Variants in LMNB1 observed in about 807,000 individuals in gnomAD.
LMNB1 encodes lamin B1.
A neutral mutation model predicts 67.1 loss-of-function variants in LMNB1; 23 were observed. The ratio of observed to expected loss-of-function variants is 0.34; its 90% CI spans 0.25 to 0.49. The LOEUF (loss-of-function observed/expected upper bound fraction) is 0.49. Ranked by LOEUF, LMNB1 falls within the 20% of genes least tolerant of loss-of-function variation. LMNB1 has a pLI of 0.99. For synonymous variants in LMNB1, 281 were observed against 282.9 expected (o/e 0.99, Z 0.07); for missense variants, 634 against 746.5 (o/e 0.85, Z 1.76).
intron 3 of LMNB1, among the ~76,000 whole-genome samples, chr5:126,808,272 C>T (rs1436028402): frequency 1.3e-5 from 2 of 152,084 alleles, no homozygotes; most frequent in Non-Finnish European, 2.9e-5. Context: ...CAACCTGTGC[C>T]TCCTGGATTC....
intron 1 of LMNB1, among the ~76,000 whole-genome samples, chr5:126,796,776 T>C (rs932376274): frequency 7.1e-6 from 1 of 141,368 alleles, no homozygotes; most frequent in African/African-American, 2.7e-5. Context: ...TTTCTTTTTC[T>C]TTTTTCTTTC....
intron 1 of LMNB1, among the ~76,000 whole-genome samples, chr5:126,800,982 A>ATATATATAAT: frequency 2.1e-4 from 4 of 18,638 alleles, no homozygotes; most frequent in African/African-American, 6.7e-4. Flanking sequence ...TATATATATA[A>ATATATATAAT]TTTTTTTTTT....
intron 1 of LMNB1, among the ~76,000 whole-genome samples, chr5:126,778,168 T>A (rs775296938): frequency 9.2e-5 from 14 of 152,012 alleles, no homozygotes; most frequent in Non-Finnish European, 1.8e-4. Flanking sequence ...GCTCCCGCTT[T>A]CGCACTCGAA....
In LMNB1 at chr5:126,811,794, T is replaced by A. The variant is rs776064001; in HGVS notation, c.835T>A (p.Ser279Thr). The change falls in exon 5 of 11, where the codon TCA (serine) becomes ACA (threonine). Residue 279 changes from serine (S) to threonine (T), a missense_variant. Physicochemically the swap from Ser to Thr is moderately conservative, Grantham distance 58. Coordinates refer to ENST00000261366, the MANE Select transcript of LMNB1 (RefSeq NM_005573.4). Reference sequence around the variant, plus strand: ...TTAGCTTGAGAATGCCAGACTGTCATCAGAGATGAATACTTCTACTGTCAA... The same window carrying A: ...TTAGCTTGAGAATGCCAGACTGTCAACAGAGATGAATACTTCTACTGTCAA... ...HAKLENARLS[S>T]EMNTSTVNSA... 5.0e-6 allele frequency: 8 copies of A among 1,607,704 alleles called. No homozygotes were observed. The East Asian group carries it at 1.8e-4, about 36-fold the overall frequency.
At chr5:126,786,810 T>C (rs1369220963) in intron 1 of LMNB1, among the ~76,000 whole-genome samples, 1 of 152,188 alleles carries the variant, frequency 6.6e-6, no homozygotes, top group East Asian at 1.9e-4. Context: ...AGAAGGGTAG[T>C]GGTCAGTAGT....
At chr5:126,789,696 A>T (rs1055942736) in intron 1 of LMNB1, among the ~76,000 whole-genome samples, 9 of 151,750 alleles carry the variant, frequency 5.9e-5, no homozygotes, top group Admixed American at 2.6e-4. Context: ...TTTTTTGAGG[A>T]CGAGACTTGC....
chr5:126,808,853 T>A (rs1346857854), intron 3 of LMNB1, among the ~76,000 whole-genome samples: 1 of 152,070 alleles, frequency 6.6e-6, no homozygotes, highest in Non-Finnish European at 1.5e-5. Flanking sequence ...TCTTGTGGCT[T>A]CTTCAGATAT....
At chr5:126,807,870 G>GTTTTTGTTTTTGT (rs1269501198) in intron 3 of LMNB1, among the ~76,000 whole-genome samples, 80 of 151,858 alleles carry the variant, frequency 5.3e-4, no homozygotes, top group African/African-American at 1.8e-3. Flanking sequence ...TTTTGTTTTT[G>GTTTTTGTTTTTGT]TTTTTTTTAA....
intron 9 of LMNB1, among the ~76,000 whole-genome samples, chr5:126,830,241 C>T (rs1580558801): frequency 6.6e-6 from 1 of 152,182 alleles, no homozygotes; most frequent in East Asian, 1.9e-4. Context: ...GCTCCGGGCA[C>T]CACTGCACAG....
At chr5:126,793,193 A>G (rs951966402) in intron 1 of LMNB1, among the ~76,000 whole-genome samples, 2 of 152,212 alleles carry the variant, frequency 1.3e-5, no homozygotes, top group East Asian at 1.9e-4. Context: ...TGCCTAGCAC[A>G]TTGTAGATGA....
At chr5:126,817,433 G>A (rs537309845) in intron 5 of LMNB1, among the ~76,000 whole-genome samples, 2 of 152,248 alleles carry the variant, frequency 1.3e-5, no homozygotes, top group East Asian at 1.9e-4. Context: ...CCCTCTCACC[G>A]ATAAAAGTGG....
intron 1 of LMNB1, among the ~76,000 whole-genome samples, chr5:126,782,819 A>G (rs1750663075): frequency 6.6e-6 from 1 of 152,022 alleles, no homozygotes. Context: ...AAGTGCTGGG[A>G]TTACAGGCGT....
intron 1 of LMNB1, among the ~76,000 whole-genome samples, chr5:126,786,519 G>A (rs538676780): frequency 1.4e-4 from 21 of 152,308 alleles, no homozygotes; most frequent in African/African-American, 4.8e-4. Context: ...AGCAAGTAAT[G>A]AAAGCTAGAA....
Position 126,800,982 on chromosome 5 carries a change from A to ATATATATATAATTTTTTTTT in LMNB1, c.360-3793_360-3792insATATATATAATTTTTTTTTT. 4.4e-3 allele frequency among the ~76,000 whole-genome samples: 82 copies of ATATATATATAATTTTTTTTT among 18,580 alleles called. 1 individual carries two copies. The highest frequency in any genetic ancestry group is 6.0e-3 in the Non-Finnish European group (57 of 9,502). The allele number at this position is 18,580 out of a possible 152,430, so 12.2% of individuals were successfully genotyped here. A position where few individuals can be genotyped will look rare whatever the true frequency, so the allele number is the denominator to read the frequency against. ...ATATATATATATATATATATATATA[A>ATATATATATAATTTTTTTTT]TTTTTTTTTTTTTTTTTTGGTGGTA... On this transcript the variant is annotated intron_variant, in intron 1 of 10. Transcript: ENST00000261366.
At chr5:126,828,148 G>A (rs1206744415) in intron 9 of LMNB1, among the ~76,000 whole-genome samples, 1 of 152,168 alleles carries the variant, frequency 6.6e-6, no homozygotes, top group African/African-American at 2.4e-5. Context: ...TTCTGTTCAT[G>A]GCCATCTTCC....
intron 1 of LMNB1, among the ~76,000 whole-genome samples, chr5:126,779,916 C>T (rs62391734): frequency 6.6e-6 from 1 of 152,220 alleles, no homozygotes; most frequent in Non-Finnish European, 1.5e-5. Flanking sequence ...TCTGTAGTCT[C>T]AGCTACTTGG....
intron 10 of LMNB1, among the ~76,000 whole-genome samples, chr5:126,834,830 G>C (rs34364708): frequency 0.075 from 11,457 of 152,176 alleles, 457 homozygotes; most frequent in African/African-American, 0.089. Flanking sequence ...GAGCTGAGAT[G>C]GCGCCACTGC....
intron 3 of LMNB1, among the ~76,000 whole-genome samples, chr5:126,809,892 G>T (rs1461974702): frequency 6.6e-6 from 1 of 152,124 alleles, no homozygotes; most frequent in Non-Finnish European, 1.5e-5. Context: ...GATAGTTTTA[G>T]TAGGCCATCC....
intron 5 of LMNB1, among the ~76,000 whole-genome samples, chr5:126,816,462 GT>G (rs1291031380): frequency 1.3e-5 from 2 of 152,198 alleles, no homozygotes; most frequent in Non-Finnish European, 2.9e-5. Context: ...AGTTGGCAAA[GT>G]ACTATAGACA....
Sources: allele counts gnomAD v4.1 joint callset (sites outside exome capture counted in the v4.1 genomes callset), GRCh38; gene constraint gnomAD v4.1.1; transcripts MANE v1.5; gene names NCBI Gene and HGNC (gene_info 2026-07-23, HGNC 2026-07-21).